Variants in PRELID2 observed in about 807,000 individuals in gnomAD.
The protein encoded by PRELID2 is PRELI domain containing 2, also known as PRELI domain-containing protein 2.
PRELID2 carries 25 observed loss-of-function variants against 28.4 expected under a neutral mutation model. That is an observed-to-expected ratio of 0.88 (90% confidence interval 0.64 to 1.23). The LOEUF is 1.23. Among genes scored for constraint, PRELID2 ranks in the 50% most tolerant of loss-of-function variants. The probability of loss-of-function intolerance (pLI) is 0.00; values close to 1 mark genes in which losing one functional copy is unlikely to be tolerated. For synonymous variants in PRELID2, 76 were observed against 71.6 expected, an observed-to-expected ratio of 1.06 and a Z score of -0.31; for missense variants, 201 against 214.4, an observed-to-expected ratio of 0.94 and a Z score of 0.39.
At chr5:145,534,810 G>A (rs1265577137) in intron 1 of PRELID2, among the ~76,000 whole-genome samples, 2 of 151,914 alleles carry the variant, frequency 1.3e-5, no homozygotes, top group African/African-American at 4.8e-5. Flanking sequence ...TTCACATATA[G>A]AGAAAGTCTC....
chr5:145,247,253 A>T, the PRELID2 span, among the ~76,000 whole-genome samples: 7 of 152,026 alleles, frequency 4.6e-5, no homozygotes, highest in African/African-American at 1.7e-4. Flanking sequence ...CCGAGCCCCT[A>T]CTCACCAAAT....
chr5:145,307,836 C>A, the PRELID2 span, among the ~76,000 whole-genome samples: 329 of 152,260 alleles, frequency 2.2e-3, no homozygotes, highest in African/African-American at 7.6e-3. Context: ...TTTGTCATTT[C>A]TTTCCAAAAC....
At chr5:145,683,081 T>C (rs1453944863) in intron 1 of PRELID2, among the ~76,000 whole-genome samples, 1 of 151,900 alleles carries the variant, frequency 6.6e-6, no homozygotes, top group African/African-American at 2.4e-5. Context: ...GTGAAAGCAG[T>C]CAGAGAAGAC....
chr5:145,481,626 A>C (rs1320575774), intron 1 of PRELID2, among the ~76,000 whole-genome samples: 2 of 24,064 alleles, frequency 8.3e-5, no homozygotes, highest in African/African-American at 3.3e-4. Flanking sequence ...AGGAAATCAA[A>C]AAAAAAAAAA....
At chr5:145,340,070 T>G in the PRELID2 span, among the ~76,000 whole-genome samples, 1 of 152,114 alleles carries the variant, frequency 6.6e-6, no homozygotes, top group African/African-American at 2.4e-5. Flanking sequence ...ACTCCACCTC[T>G]TCCTACCATA....
chr5:145,555,153 A>G (rs1260298002), intron 1 of PRELID2, among the ~76,000 whole-genome samples: 1 of 152,228 alleles, frequency 6.6e-6, no homozygotes, highest in Non-Finnish European at 1.5e-5. Flanking sequence ...ATTTCTGGGC[A>G]TGATTATTGA....
chr5:145,365,486 A>C, the PRELID2 span, among the ~76,000 whole-genome samples: 1 of 151,948 alleles, frequency 6.6e-6, no homozygotes, highest in Non-Finnish European at 1.5e-5. Context: ...CCAACTGTCC[A>C]TTTGTTCATG....
chr5:145,579,632 A>G (rs1753091011), intron 1 of PRELID2, among the ~76,000 whole-genome samples: 2 of 152,208 alleles, frequency 1.3e-5, no homozygotes, highest in Non-Finnish European at 2.9e-5. Context: ...TCATTGAGTC[A>G]CCTGCATATC....
At chr5:145,248,823 T>C in the PRELID2 span, among the ~76,000 whole-genome samples, 1 of 152,016 alleles carries the variant, frequency 6.6e-6, no homozygotes, top group South Asian at 2.1e-4. Flanking sequence ...CGTAAGTTTT[T>C]CTGCACTCTG....
At chr5:145,810,880 T>G (rs1294417957) in intron 4 of PRELID2, among the ~76,000 whole-genome samples, 2 of 152,094 alleles carry the variant, frequency 1.3e-5, no homozygotes, top group Non-Finnish European at 2.9e-5. Flanking sequence ...AGTTACAGTT[T>G]CAGAGGCAGA....
At chr5:145,413,209 T>C in the PRELID2 span, among the ~76,000 whole-genome samples, 1 of 151,924 alleles carries the variant, frequency 6.6e-6, no homozygotes, top group Non-Finnish European at 1.5e-5. Context: ...CAAAACAAGA[T>C]GTACAAATAA....
chr5:145,423,070 C>T, the PRELID2 span, among the ~76,000 whole-genome samples: 1 of 150,666 alleles, frequency 6.6e-6, no homozygotes, highest in African/African-American at 2.5e-5. Context: ...GGCCCCCACT[C>T]TCTTCTGGCT....
chr5:145,815,188 G>A (rs1241368609), intron 4 of PRELID2, among the ~76,000 whole-genome samples: 2 of 152,206 alleles, frequency 1.3e-5, no homozygotes, highest in South Asian at 4.1e-4. Context: ...GCAATGATGA[G>A]GAGGCAGCAT....
intron 4 of PRELID2, among the ~76,000 whole-genome samples, chr5:145,797,600 A>G (rs954753799): frequency 6.6e-6 from 1 of 152,110 alleles, no homozygotes; most frequent in Admixed American, 6.6e-5. Flanking sequence ...GTAACAAAAG[A>G]TCATGGGCTC....
At chr5:145,322,084 A>G in the PRELID2 span, among the ~76,000 whole-genome samples, 1 of 152,232 alleles carries the variant, frequency 6.6e-6, no homozygotes, top group Admixed American at 6.5e-5. Flanking sequence ...CTCCAAATAA[A>G]TATTAATAGC....
At chr5:145,361,030 C>G in the PRELID2 span, among the ~76,000 whole-genome samples, 1 of 152,230 alleles carries the variant, frequency 6.6e-6, no homozygotes, top group East Asian at 1.9e-4. Context: ...GGATTAAAGC[C>G]TATGTAAAAA....
the PRELID2 span, among the ~76,000 whole-genome samples, chr5:145,357,603 G>T: frequency 6.6e-6 from 1 of 152,024 alleles, no homozygotes; most frequent in East Asian, 1.9e-4. Flanking sequence ...ATTCAGTTTG[G>T]TTCTTTATTA....
chr5:145,597,548 C>T (rs1753327403), intron 1 of PRELID2, among the ~76,000 whole-genome samples: 1 of 152,038 alleles, frequency 6.6e-6, no homozygotes, highest in Non-Finnish European at 1.5e-5. Context: ...AATATTTGAC[C>T]ATTTTTAACC....
intron 1 of PRELID2, among the ~76,000 whole-genome samples, chr5:145,519,453 C>T (rs1466882549): frequency 1.3e-5 from 2 of 152,222 alleles, no homozygotes; most frequent in African/African-American, 2.4e-5. Context: ...ATGTCAATAA[C>T]AGCCACATAC....
Sources: allele counts gnomAD v4.1 joint callset (sites outside exome capture counted in the v4.1 genomes callset), GRCh38; gene constraint gnomAD v4.1.1; transcripts MANE v1.5; gene names NCBI Gene and HGNC (gene_info 2026-07-23, HGNC 2026-07-21).